The following DENND1A variants were observed in gnomAD, a reference collection of about 807,000 sequenced individuals.
DENND1A encodes DENN domain containing 1A, also known as DENN domain-containing protein 1A.
A neutral mutation model predicts 113.7 loss-of-function variants in DENND1A; 51 were observed. The observed-to-expected ratio is 0.45, with a 90% CI of 0.36 to 0.57. The LOEUF (loss-of-function observed/expected upper bound fraction) is 0.57. Among genes scored for constraint, DENND1A ranks in the 20% least tolerant of loss-of-function variants. DENND1A has a pLI of 0.00. For synonymous variants in DENND1A, 565 were observed against 570.8 expected, an observed-to-expected ratio of 0.99 and a Z score of 0.14; for missense variants, 1,258 against 1,395.9, an observed-to-expected ratio of 0.90 and a Z score of 1.57.
At chr9:123,448,148 T>A (rs1202390027) in intron 18 of DENND1A, among the ~76,000 whole-genome samples, 1 of 152,176 alleles carries the variant, frequency 6.6e-6, no homozygotes, top group Admixed American at 6.5e-5. Context: ...CTGAAGCTAT[T>A]CTTGAAAAGA....
chr9:123,499,253 T>C (rs1183679662), intron 13 of DENND1A, among the ~76,000 whole-genome samples: 2 of 152,110 alleles, frequency 1.3e-5, no homozygotes, highest in Non-Finnish European at 2.9e-5. Flanking sequence ...AGACTGGTCT[T>C]GAACTCCTGA....
At chr9:123,716,393 A>G (rs1392654116) in intron 5 of DENND1A, among the ~76,000 whole-genome samples, 1 of 152,210 alleles carries the variant, frequency 6.6e-6, no homozygotes, top group African/African-American at 2.4e-5. Flanking sequence ...ATTAGCTAAA[A>G]GAGTGTTCAA....
At chr9:123,427,487 C>T (rs1413845451) in intron 19 of DENND1A, among the ~76,000 whole-genome samples, 1 of 152,212 alleles carries the variant, frequency 6.6e-6, no homozygotes, top group Admixed American at 6.5e-5. Flanking sequence ...CCTCCCTGGT[C>T]TGCCATGCGC....
chr9:123,730,291 C>T (rs920689357), intron 5 of DENND1A, among the ~76,000 whole-genome samples: 1 of 152,038 alleles, frequency 6.6e-6, no homozygotes, highest in Non-Finnish European at 1.5e-5. Context: ...TTCTGCACAG[C>T]AAAAGAGACT....
At chr9:123,786,692 A>G (rs1049806344) in intron 3 of DENND1A, among the ~76,000 whole-genome samples, 4 of 152,206 alleles carry the variant, frequency 2.6e-5, no homozygotes, top group African/African-American at 4.8e-5. Context: ...ACTTGTAACC[A>G]TAAGTTGCTC....
intron 10 of DENND1A, among the ~76,000 whole-genome samples, chr9:123,620,825 C>G (rs1386371126): frequency 6.6e-6 from 1 of 150,652 alleles, no homozygotes; most frequent in East Asian, 2.0e-4. Context: ...CCATTCCACT[C>G]TTGGCGTCTT....
At chr9:123,472,779 C>T (rs746183971) in intron 13 of DENND1A, among the ~76,000 whole-genome samples, 3 of 152,240 alleles carry the variant, frequency 2.0e-5, no homozygotes, top group African/African-American at 7.2e-5. Context: ...TCCTCATTCC[C>T]CAAACTTCCT....
intron 16 of DENND1A, among the ~76,000 whole-genome samples, 194 bp downstream of exon 16, chr9:123,454,545 C>G (rs1013429858): frequency 2.0e-5 from 3 of 152,224 alleles, no homozygotes; most frequent in Non-Finnish European, 4.4e-5. Context: ...TCAGCCCCCA[C>G]CAAGTGATGG....
intron 13 of DENND1A, among the ~76,000 whole-genome samples, chr9:123,490,643 C>G (rs559600036): frequency 6.6e-6 from 1 of 151,470 alleles, no homozygotes; most frequent in African/African-American, 2.4e-5. Flanking sequence ...ATGTGAGTCA[C>G]ATACATAATT....
chr9:123,824,043 A>G (rs953582806), intron 2 of DENND1A, among the ~76,000 whole-genome samples: 7 of 152,236 alleles, frequency 4.6e-5, no homozygotes, highest in Non-Finnish European at 8.8e-5. Context: ...GGTCTATTTG[A>G]CATGAAAATC....
chr9:123,898,781 T>C (rs897438209), intron 1 of DENND1A, among the ~76,000 whole-genome samples: 1 of 152,254 alleles, frequency 6.6e-6, no homozygotes, highest in Non-Finnish European at 1.5e-5. Flanking sequence ...TTTTACAGTG[T>C]GCTCTTTGTG....
intron 21 of DENND1A, among the ~76,000 whole-genome samples, chr9:123,398,398 G>A (rs111409295): frequency 0.027 from 4,074 of 151,534 alleles, 189 homozygotes; most frequent in African/African-American, 0.095. Flanking sequence ...TATTTGAGAC[G>A]GCGTCTCACT....
intron 22 of DENND1A, 35 bp from the exon 23 acceptor site, chr9:123,383,948 C>T (rs1330287740): frequency 1.3e-6 from 2 of 1,585,122 alleles, no homozygotes; most frequent in Non-Finnish European, 1.7e-6. Context: ...CTCTCCCACC[C>T]AGGCCTTCAG....
In DENND1A at chr9:123,383,519, T is replaced by A. The variant is rs2042393674; in HGVS notation, c.2019+136A>T. On this transcript the variant is annotated intron_variant, in intron 23 of 23. Coordinates refer to ENST00000394215, the MANE Select transcript of DENND1A (RefSeq NM_001352964.2). ...CCCTGGGAGGTGTTTACAGTCACAC[T>A]GACCCTGAGCATTGGCTGAGGGTCT... The A allele has an allele frequency of 2.2e-6, 3 of 1,375,158 alleles. No homozygotes were observed. In the African/African-American group the frequency reaches 4.3e-5, roughly 20 times the overall value. 85.2% of individuals were successfully genotyped at this position (1,375,158 alleles called of 1,614,324 possible).
intron 5 of DENND1A, among the ~76,000 whole-genome samples, chr9:123,738,443 C>CGTGTGTGTG (rs769835586): frequency 1.4e-5 from 2 of 143,328 alleles, no homozygotes; most frequent in African/African-American, 5.1e-5. Context: ...TCAACAGCTT[C>CGTGTGTGTG]TGTGTGTGTG....
rs374801865 is a variant in DENND1A, at chr9:123,857,850, G to A, written c.88+21101C>T. On this transcript the variant is annotated intron_variant, in intron 2 of 23. Transcript: ENST00000394215. ...CGAGGCGGGTGGATCACGAGGTCAG[G>A]AGATCGAGACCATCCTGGCTAACAC... Among the ~76,000 whole-genome samples the A allele has an allele frequency of 4.8e-4, 73 of 152,192 alleles. 1 individual carries two copies. The highest frequency in any genetic ancestry group is 1.7e-3 in the African/African-American group (72 of 41,544).
At chr9:123,561,454 C>T (rs1472275143) in intron 12 of DENND1A, among the ~76,000 whole-genome samples, 1 of 152,194 alleles carries the variant, frequency 6.6e-6, no homozygotes, top group African/African-American at 2.4e-5. Flanking sequence ...TTTGTCTTGA[C>T]CTGCCAGCAC....
intron 2 of DENND1A, among the ~76,000 whole-genome samples, chr9:123,870,842 T>C (rs185865941): frequency 5.3e-5 from 8 of 152,236 alleles, no homozygotes; most frequent in East Asian, 1.9e-4. Context: ...CTTTAGAGAA[T>C]TGTTCGAGCT....
At chr9:123,788,892 T>TTAAA (rs1832587908) in intron 3 of DENND1A, among the ~76,000 whole-genome samples, 1 of 152,062 alleles carries the variant, frequency 6.6e-6, no homozygotes, top group African/African-American at 2.4e-5. Context: ...GGAGATAGAA[T>TTAAA]TTAAGAAAAT....
Sources: allele counts gnomAD v4.1 joint callset (sites outside exome capture counted in the v4.1 genomes callset), GRCh38; gene constraint gnomAD v4.1.1; transcripts MANE v1.5; gene names NCBI Gene and HGNC (gene_info 2026-07-23, HGNC 2026-07-21).